Variants in EPHA5 observed in about 807,000 individuals in gnomAD.
EPHA5 encodes the protein ephrin type-A receptor 5.
A neutral mutation model predicts 105.0 loss-of-function variants in EPHA5; 60 were observed. The ratio of observed to expected loss-of-function variants is 0.57; its 90% CI spans 0.46 to 0.71. The LOEUF (loss-of-function observed/expected upper bound fraction) is 0.71. Among genes scored for constraint, EPHA5 ranks in the 30% least tolerant of loss-of-function variants. EPHA5 has a pLI of 0.00. For synonymous variants in EPHA5, 513 were observed against 449.1 expected (o/e 1.14, Z -1.80); for missense variants, 1,218 against 1,274.7 (o/e 0.96, Z 0.68).
rs376952898 is a variant in EPHA5 at position 65,420,465 on chromosome 4, C to T, written c.1503G>A (p.Glu501=). The change falls in exon 6 of 17, where the codon GAG becomes GAA. Residue 501 remains glutamate (E), a synonymous_variant. Coordinates refer to ENST00000613740, the MANE Select transcript of EPHA5 (RefSeq NM_001281766.3). The part of the protein sequence containing the change: ...EPDRPNGIIL[E]YEIKYFEKDQ... Reference sequence around the variant, plus strand: ...CCTTTTCAAAATACTTGATTTCATACTCTAGGATGATTCCATTGGGACGAT... The same window carrying T: ...CCTTTTCAAAATACTTGATTTCATATTCTAGGATGATTCCATTGGGACGAT... 1.2e-6 allele frequency: 2 copies of T among 1,609,660 alleles called. No individual in the cohort carries two copies. The highest frequency in any genetic ancestry group is 1.7e-6 in the Non-Finnish European group (2 of 1,177,924).
intron 5 of EPHA5, among the ~76,000 whole-genome samples, chr4:65,430,935 G>C (rs1049506044): frequency 6.6e-6 from 1 of 152,020 alleles, no homozygotes; most frequent in Non-Finnish European, 1.5e-5. Flanking sequence ...TAAAAACTAA[G>C]CAACTTTTTA....
intron 3 of EPHA5, among the ~76,000 whole-genome samples, chr4:65,589,761 A>G (rs1164930193): frequency 6.6e-6 from 1 of 152,176 alleles, no homozygotes; most frequent in East Asian, 1.9e-4. Context: ...ACAGGTGAAT[A>G]TTAAAAAATC....
In EPHA5 at chr4:65,601,609, C is replaced by T. The variant is rs767328891; in HGVS notation, c.910+32G>A. 4 of 1,593,762 alleles carry T rather than the reference C, an allele frequency of 2.5e-6. No homozygotes were observed. The East Asian group carries it at 6.7e-5, about 27-fold the overall frequency. On this transcript the variant is annotated intron_variant, in intron 3 of 16. Transcript: ENST00000613740. Reference sequence around the variant, plus strand: ...ATATACATGATCCAACTGAAGCAGACAGCCCCTGCAGATCTGGAGGCAAAC... The same window carrying T: ...ATATACATGATCCAACTGAAGCAGATAGCCCCTGCAGATCTGGAGGCAAAC...
In EPHA5 at chr4:65,367,361, C is replaced by T. The variant is rs755156920; in HGVS notation, c.1857G>A (p.Gly619=). 66 of 1,610,448 alleles carry T rather than the reference C, an allele frequency of 4.1e-5. No homozygotes were observed. Among genetic ancestry groups the T allele is most frequent in the South Asian group, 7.7e-5 (7 of 91,010 alleles). The change falls in exon 9 of 17, where the codon GGG becomes GGA. Residue 619 remains glycine (G), a synonymous_variant. Coordinates refer to ENST00000613740, the MANE Select transcript of EPHA5 (RefSeq NM_001281766.3). The part of the protein sequence containing the change: ...PEEEKMHFHN[G]HIKLPGVRTY... ...TATTTTTTACAATTTGCTTACTGTGCCCATTATGAAAATGCATCTTTTCCT... is the reference window on the plus strand; with the variant it reads ...TATTTTTTACAATTTGCTTACTGTGTCCATTATGAAAATGCATCTTTTCCT...
chr4:65,533,951 AAAAG>A (rs145816997), intron 3 of EPHA5, among the ~76,000 whole-genome samples: 22 of 149,842 alleles, frequency 1.5e-4, no homozygotes, highest in African/African-American at 2.5e-4. Flanking sequence ...ATAAATAAAT[AAAAG>A]AAAGAAAGAA....
At chr4:65,631,398 CA>C (rs1203499762) in intron 2 of EPHA5, among the ~76,000 whole-genome samples, 1 of 152,116 alleles carries the variant, frequency 6.6e-6, no homozygotes, top group African/African-American at 2.4e-5. Context: ...CTTTATTTAA[CA>C]AGTGAATATC....
chr4:65,596,027 AG>A (rs907725612), intron 3 of EPHA5, among the ~76,000 whole-genome samples: 2 of 152,204 alleles, frequency 1.3e-5, no homozygotes, highest in Admixed American at 1.3e-4. Context: ...TTAAACTACT[AG>A]GGCATGCTGC....
chr4:65,363,365 C>T (rs1369524069), intron 11 of EPHA5, among the ~76,000 whole-genome samples: 2 of 151,520 alleles, frequency 1.3e-5, no homozygotes, highest in Non-Finnish European at 3.0e-5. Flanking sequence ...TTATGATGTG[C>T]AAAACCACAT....
Position 65,331,800 on chromosome 4 carries a change from G to A in EPHA5, c.2945+173C>T, listed in dbSNP as rs539288480. 25 of 1,269,122 alleles carry A rather than the reference G, an allele frequency of 2.0e-5. 1 individual carries two copies. The South Asian group carries it at 7.3e-4, about 37-fold the overall frequency. The allele number at this position is 1,269,122 out of a possible 1,614,324, so 78.6% of individuals were successfully genotyped here. A position where few individuals can be genotyped will look rare whatever the true frequency, so the allele number is the denominator to read the frequency against. ...AAAGAAGCAAAGATACTGGCCACAT[G>A]TAGCATTAACCATGCAGTTGTTAAC... On this transcript the variant is annotated intron_variant, in intron 16 of 16. Coordinates refer to ENST00000613740, the MANE Select transcript of EPHA5 (RefSeq NM_001281766.3).
At chr4:65,497,502 T>C (rs1235555948) in intron 3 of EPHA5, among the ~76,000 whole-genome samples, 3 of 152,102 alleles carry the variant, frequency 2.0e-5, no homozygotes, top group Non-Finnish European at 2.9e-5. Flanking sequence ...AAATATTATT[T>C]TTCTTATAAT....
intron 7 of EPHA5, among the ~76,000 whole-genome samples, chr4:65,411,674 A>G (rs1221488240): frequency 6.6e-6 from 1 of 152,212 alleles, no homozygotes; most frequent in Non-Finnish European, 1.5e-5. Flanking sequence ...ATAAAGAATT[A>G]AAATATGGTA....
chr4:65,638,807 C>T (rs1389468524), intron 2 of EPHA5, among the ~76,000 whole-genome samples: 1 of 152,094 alleles, frequency 6.6e-6, no homozygotes, highest in Admixed American at 6.5e-5. Flanking sequence ...TTATATGAGA[C>T]TCACTCAAGG....
At chr4:65,373,498 G>C (rs1054520005) in intron 8 of EPHA5, among the ~76,000 whole-genome samples, 2 of 151,734 alleles carry the variant, frequency 1.3e-5, no homozygotes, top group Admixed American at 1.3e-4. Context: ...CACATTTCAA[G>C]AAACAGAATT....
chr4:65,332,206 T>C, intron 15 of EPHA5, 78 bp from the exon 16 acceptor site: 1 of 1,148,400 alleles, frequency 8.7e-7, no homozygotes, highest in South Asian at 1.6e-5. Flanking sequence ...TGTTAACTCA[T>C]ATTCAATGGA....
In EPHA5 at chr4:65,637,569, CATATAT is replaced by C. The variant is rs34456844; in HGVS notation, c.246+5788_246+5793del. Among the ~76,000 whole-genome samples the C allele has an allele frequency of 3.8e-3, 429 of 112,432 alleles. 2 individuals carry two copies. Among genetic ancestry groups the C allele is most frequent in the African/African-American group, 0.012 (377 of 31,580 alleles). 73.8% of individuals were successfully genotyped at this position (112,432 alleles called of 152,430 possible). A position where few individuals can be genotyped will look rare whatever the true frequency, so the allele number is the denominator to read the frequency against. ...TATATATACACAAATATGAGTTTTG[CATATAT>C]ATATATATATATATATATATATACG... is the stretch of plus-strand genomic sequence containing the variant. On this transcript the variant is annotated intron_variant, in intron 2 of 16. Transcript: ENST00000613740.
chr4:65,616,331 T>C (rs893695850), intron 2 of EPHA5, among the ~76,000 whole-genome samples: 6 of 151,690 alleles, frequency 4.0e-5, no homozygotes, highest in African/African-American at 1.5e-4. Flanking sequence ...CATAAAAGGA[T>C]GACATGAAAG....
chr4:65,324,074 T>G lies in EPHA5; in HGVS notation c.*40A>C, dbSNP rs775015392. 1.5e-6 allele frequency: 2 copies of G among 1,329,608 alleles called. No individual in the cohort carries two copies. Among genetic ancestry groups the G allele is most frequent in the Non-Finnish European group, 2.2e-6 (2 of 923,164 alleles). 82.4% of individuals were successfully genotyped at this position (1,329,608 alleles called of 1,614,324 possible). On this transcript the variant is annotated 3_prime_UTR_variant, in exon 17 of 17. Transcript: ENST00000613740. ...ATAAATCTCAGTGCTGTTTACAAAG[T>G]GCAGAATCATTCACTTGAAGAAGCG...
intron 15 of EPHA5, among the ~76,000 whole-genome samples, chr4:65,333,182 GC>G (rs1219094615): frequency 3.3e-5 from 5 of 150,832 alleles, no homozygotes; most frequent in African/African-American, 7.4e-5. Flanking sequence ...TAATTTACAT[GC>G]CCATTATGTA....
chr4:65,440,708 G>A (rs1172130598), intron 5 of EPHA5, among the ~76,000 whole-genome samples: 1 of 152,008 alleles, frequency 6.6e-6, no homozygotes, highest in African/African-American at 2.4e-5. Context: ...CAAGCAGGGG[G>A]CCTTTGAGGA....
Sources: allele counts gnomAD v4.1 joint callset (sites outside exome capture counted in the v4.1 genomes callset), GRCh38; gene constraint gnomAD v4.1.1; transcripts MANE v1.5; gene names NCBI Gene and HGNC (gene_info 2026-07-23, HGNC 2026-07-21).